SNX31: variants seen among roughly 807,000 people sequenced by gnomAD.
SNX31 encodes sorting nexin-31.
In SNX31, 58 loss-of-function variants were observed where a neutral mutation model predicts 65.4. The observed-to-expected ratio is 0.89, with a 90% CI of 0.72 to 1.10. The LOEUF (loss-of-function observed/expected upper bound fraction) is 1.10, where lower values mean the gene tolerates loss of function less well. Ranked by LOEUF, SNX31 falls within the 50% of genes least tolerant of loss-of-function variation. The pLI is 0.00. For missense variants in SNX31, 523 were observed against 529.7 expected (o/e 0.99, Z 0.12); for synonymous variants, 181 against 190.1 (o/e 0.95, Z 0.39).
chr8:100,596,593 C>T, intron 10 of SNX31, 46 bp downstream of exon 10: 1 of 1,538,786 alleles, frequency 6.5e-7, no homozygotes, highest in South Asian at 1.1e-5. Context: ...TCCAAGGGTA[C>T]TAGGATTTTT....
chr8:100,641,097 A>AT (rs1345597057), intron 2 of SNX31, among the ~76,000 whole-genome samples: 3 of 151,990 alleles, frequency 2.0e-5, no homozygotes, highest in South Asian at 4.2e-4. Flanking sequence ...AATTAAGTTT[A>AT]TTTAAAAAAA....
At position 100,573,973 on chromosome 8, in the gene SNX31, CAG is replaced by C. The variant is rs751528411; in HGVS notation, c.1228-15_1228-14del. 7.8e-6 allele frequency: 11 copies of C among 1,401,276 alleles called. No homozygotes were observed. The highest frequency in any genetic ancestry group is 7.2e-5 in the East Asian group (3 of 41,742). The allele number at this position is 1,401,276 out of a possible 1,614,324, so 86.8% of individuals were successfully genotyped here. On this transcript the variant is annotated splice_polypyrimidine_tract_variant and intron_variant, in intron 13 of 13. Transcript: ENST00000311812. ...AATAGTCTTTCTGCTGTGAAGTAAACAGAGAGGTCAGAAATGTAAATGAAAGG... is the reference window on the plus strand; with the variant it reads ...AATAGTCTTTCTGCTGTGAAGTAAACAGAGGTCAGAAATGTAAATGAAAGG...
chr8:100,639,276 T>C (rs1365126538), intron 2 of SNX31, among the ~76,000 whole-genome samples: 1 of 152,244 alleles, frequency 6.6e-6, no homozygotes, highest in Admixed American at 6.5e-5. Context: ...GATAAAACTA[T>C]GTTACAAATG....
chr8:100,580,156 TA>T (rs10608114), intron 12 of SNX31, among the ~76,000 whole-genome samples: 38,422 of 124,228 alleles, frequency 0.31, 5,201 homozygotes, highest in South Asian at 0.36. Context: ...AGCCTGTCTT[TA>T]AAAAAAAAAA....
At chr8:100,661,091 C>T (rs1256165230) in intron 1 of SNX31, among the ~76,000 whole-genome samples, 5 of 151,504 alleles carry the variant, frequency 3.3e-5, no homozygotes, top group African/African-American at 4.9e-5. Flanking sequence ...CTGCAACCTC[C>T]GCCTCCCAGG....
chr8:100,655,368 A>G (rs1280292149), intron 1 of SNX31, among the ~76,000 whole-genome samples: 1 of 152,118 alleles, frequency 6.6e-6, no homozygotes, highest in Non-Finnish European at 1.5e-5. Context: ...CCCCACCCAA[A>G]TCTCATCTTG....
chr8:100,620,745 G>A (rs1407194598), intron 4 of SNX31, among the ~76,000 whole-genome samples: 1 of 152,112 alleles, frequency 6.6e-6, no homozygotes. Flanking sequence ...AACTCCATGA[G>A]GCATATACAC....
chr8:100,582,137 T>A (rs1813610107), intron 12 of SNX31, among the ~76,000 whole-genome samples: 1 of 152,254 alleles, frequency 6.6e-6, no homozygotes, highest in Non-Finnish European at 1.5e-5. Flanking sequence ...CAGAGATTAA[T>A]TATGGATTTC....
chr8:100,658,311 T>C (rs953296389), intron 1 of SNX31, among the ~76,000 whole-genome samples: 1 of 152,190 alleles, frequency 6.6e-6, no homozygotes, highest in Non-Finnish European at 1.5e-5. Flanking sequence ...TAGAATCTCA[T>C]CCAAGCAGCT....
intron 8 of SNX31, among the ~76,000 whole-genome samples, chr8:100,601,119 A>G (rs1160609587): frequency 6.6e-6 from 1 of 152,238 alleles, no homozygotes; most frequent in Non-Finnish European, 1.5e-5. Flanking sequence ...TAGCAATGAA[A>G]CATTTTCAAC....
chr8:100,640,831 A>G (rs543055725), intron 2 of SNX31, among the ~76,000 whole-genome samples: 2 of 152,334 alleles, frequency 1.3e-5, no homozygotes, highest in East Asian at 3.9e-4. Context: ...GTTACAGACA[A>G]GAGGAACTTA....
intron 8 of SNX31, among the ~76,000 whole-genome samples, chr8:100,603,212 C>T (rs76494607): frequency 0.048 from 7,250 of 152,234 alleles, 416 homozygotes; most frequent in African/African-American, 0.13. Flanking sequence ...AAGAATGAAA[C>T]GCTGCCTTCT....
At chr8:100,618,572 C>CAA in intron 4 of SNX31, 1 of 544,488 alleles carries the variant, frequency 1.8e-6, no homozygotes, top group Non-Finnish European at 3.2e-6. Flanking sequence ...ATGCCAGCAG[C>CAA]AAATATGGGG....
rs1048661711 is a variant in SNX31 at position 100,629,565 on chromosome 8, A to C, written c.321+762T>G. On this transcript the variant is annotated intron_variant, in intron 4 of 13. Transcript: ENST00000311812. The surrounding 1 kb of genome is among the most constrained non-coding windows in gnomAD (Gnocchi z 5.1). ...TATTTTATAAATGAGTAAATGAATG[A>C]ATGAAATGTGTTCTCATTTTTGCAA... 1.3e-5 allele frequency among the ~76,000 whole-genome samples: 2 copies of C among 152,216 alleles called. No homozygotes were observed. Among genetic ancestry groups the C allele is most frequent in the African/African-American group, 4.8e-5 (2 of 41,460 alleles).
Position 100,588,986 on chromosome 8 carries a change from A to C in SNX31, c.979-7T>G, listed in dbSNP as rs1814320396. ...CCGTATCCAGCAGAGTTCCCTACAA[A>C]GGAAAATATTTTATATTCAATGTAA... On this transcript the variant is annotated splice_polypyrimidine_tract_variant and splice_region_variant and intron_variant, in intron 10 of 13. Transcript: ENST00000311812. The surrounding 1 kb of genome is among the most constrained non-coding windows in gnomAD (Gnocchi z 4.8). 3 of 1,603,442 alleles carry C rather than the reference A, an allele frequency of 1.9e-6. No homozygotes were observed. In the African/African-American group the frequency reaches 4.0e-5, roughly 21 times the overall value.
In SNX31 at chr8:100,660,324, T is replaced by C. The variant is rs76981553; in HGVS notation, c.-58+2818A>G. On this transcript the variant is annotated intron_variant, in intron 1 of 5. Coordinates refer to the SNX31 transcript ENST00000520352. The surrounding 1 kb of genome is among the most constrained non-coding windows in gnomAD (Gnocchi z 4.1). ...AGAGGTGAGCTTGTCCCAGTCACAT[T>C]GTTTAAAAGTGGCAGGGCCAGAAAT... 1.3e-5 allele frequency among the ~76,000 whole-genome samples: 2 copies of C among 152,324 alleles called. No homozygotes were observed. Among genetic ancestry groups the C allele is most frequent in the South Asian group, 4.1e-4 (2 of 4,828 alleles).
intron 2 of SNX31, among the ~76,000 whole-genome samples, chr8:100,642,610 G>C (rs1427821409): frequency 1.3e-5 from 2 of 152,120 alleles, no homozygotes; most frequent in African/African-American, 4.8e-5. Flanking sequence ...TGAACATAAA[G>C]GAAACTGAGT....
In SNX31 at chr8:100,648,575, T is replaced by G. The variant is rs569069830; in HGVS notation, c.141+699A>C. 6.6e-6 allele frequency among the ~76,000 whole-genome samples: 1 copy of G among 152,310 alleles called. No individual in the cohort carries two copies. Among genetic ancestry groups the G allele is most frequent in the Non-Finnish European group, 1.5e-5 (1 of 68,034 alleles). ...GGAGGAGGAGTGTAAAGTTTATTTC[T>G]AAACTTTCATTTACTTCTCTAATCC... On this transcript the variant is annotated intron_variant, in intron 2 of 13. Transcript: ENST00000311812. This position sits in a 1 kb window ranked among gnomAD's most constrained non-coding sequence, Gnocchi z 4.3.
Position 100,612,340 on chromosome 8 carries a change from G to A in SNX31, c.524-253C>T, listed in dbSNP as rs764686630. Among the ~76,000 whole-genome samples the A allele has an allele frequency of 1.3e-5, 2 of 151,850 alleles. No individual in the cohort carries two copies. Among genetic ancestry groups the A allele is most frequent in the African/African-American group, 2.4e-5 (1 of 41,328 alleles). Reference sequence around the variant, plus strand: ...GTGATATAGATGAAAAAATAGATCCGGAGACATCCAGCGCCTTCGCAGCTC... The same window carrying A: ...GTGATATAGATGAAAAAATAGATCCAGAGACATCCAGCGCCTTCGCAGCTC... On this transcript the variant is annotated intron_variant, in intron 6 of 13. Coordinates refer to ENST00000311812, the MANE Select transcript of SNX31 (RefSeq NM_152628.4). The surrounding 1 kb of genome is among the most constrained non-coding windows in gnomAD (Gnocchi z 4.3).
Sources: allele counts gnomAD v4.1 joint callset (sites outside exome capture counted in the v4.1 genomes callset), GRCh38; gene constraint gnomAD v4.1.1; non-coding constraint Gnocchi (gnomAD v3.1); transcripts MANE v1.5; gene names NCBI Gene and HGNC (gene_info 2026-07-23, HGNC 2026-07-21).